MACROD2: variants seen among roughly 807,000 people sequenced by gnomAD.
MACROD2 encodes the protein ADP-ribose glycohydrolase MACROD2.
In MACROD2, 36 loss-of-function variants were observed where a neutral mutation model predicts 70.4. The observed-to-expected ratio is 0.51, with a 90% CI of 0.39 to 0.68. The LOEUF (loss-of-function observed/expected upper bound fraction) is 0.68. Among genes scored for constraint, MACROD2 ranks in the 30% least tolerant of loss-of-function variants. The probability of loss-of-function intolerance (pLI) is 0.00; values close to 1 mark genes in which losing one functional copy is unlikely to be tolerated. For missense variants in MACROD2, 496 were observed against 538.4 expected (o/e 0.92, Z 0.78); for synonymous variants, 172 against 178.8 (o/e 0.96, Z 0.30).
At chr20:14,694,533 A>G (rs1433535136) in intron 5 of MACROD2, among the ~76,000 whole-genome samples, 1 of 152,194 alleles carries the variant, frequency 6.6e-6, no homozygotes, top group East Asian at 1.9e-4. Context: ...ATGAACATGA[A>G]TGTATTTTTA....
At chr20:15,368,226 C>CTTA (rs2045439735) in intron 6 of MACROD2, among the ~76,000 whole-genome samples, 1 of 151,876 alleles carries the variant, frequency 6.6e-6, no homozygotes, top group African/African-American at 2.4e-5. Context: ...CTCAGGCCCA[C>CTTA]CCCCGCCTAC....
chr20:14,957,784 T>G (rs1005053377), intron 5 of MACROD2, among the ~76,000 whole-genome samples: 13 of 152,218 alleles, frequency 8.5e-5, no homozygotes, highest in African/African-American at 3.1e-4. Flanking sequence ...GTTTTGTTTT[T>G]GGAGCATTGG....
chr20:15,265,389 T>C (rs1214324523), intron 6 of MACROD2, among the ~76,000 whole-genome samples: 5 of 152,178 alleles, frequency 3.3e-5, no homozygotes, highest in Non-Finnish European at 1.5e-5. Flanking sequence ...ATGTGGAAAT[T>C]TGAGGGGAGT....
At chr20:15,207,209 T>A (rs183034490) in intron 5 of MACROD2, among the ~76,000 whole-genome samples, 1 of 152,284 alleles carries the variant, frequency 6.6e-6, no homozygotes, top group Admixed American at 6.5e-5. Context: ...CCCTCTCTGT[T>A]TCAAGAACTT....
intron 5 of MACROD2, among the ~76,000 whole-genome samples, chr20:14,718,702 GTTCC>G (rs1329629646): frequency 6.6e-6 from 1 of 152,094 alleles, no homozygotes. Context: ...TGATGCTCAA[GTTCC>G]TGAGAAATAA....
At chr20:14,466,106 C>T (rs2123032226) in intron 3 of MACROD2, among the ~76,000 whole-genome samples, 1 of 152,224 alleles carries the variant, frequency 6.6e-6, no homozygotes. Context: ...GGAAGTTCTC[C>T]TGGATAATAT....
At chr20:14,408,575 C>T (rs974347961) in intron 3 of MACROD2, among the ~76,000 whole-genome samples, 12 of 152,120 alleles carry the variant, frequency 7.9e-5, no homozygotes, top group African/African-American at 2.9e-4. Flanking sequence ...CATATTATTA[C>T]TGAGGTTCAA....
chr20:14,388,592 C>T (rs181899730), intron 3 of MACROD2, among the ~76,000 whole-genome samples: 47 of 152,294 alleles, frequency 3.1e-4, no homozygotes, highest in Non-Finnish European at 2.2e-4. Context: ...AATACATTTA[C>T]AATGCTGTAC....
chr20:15,565,658 C>T (rs7362062), intron 8 of MACROD2, among the ~76,000 whole-genome samples: 24,465 of 152,182 alleles, frequency 0.16, 2,416 homozygotes, highest in Middle Eastern at 0.28. Context: ...CTCTGTTACA[C>T]AGGCTAGAGT....
chr20:15,233,521 G>C (rs759209658), intron 6 of MACROD2, among the ~76,000 whole-genome samples: 1 of 151,960 alleles, frequency 6.6e-6, no homozygotes, highest in Non-Finnish European at 1.5e-5. Context: ...TGATTTGGGC[G>C]TAAGATGTGT....
At chr20:16,033,189 G>T (rs763372401) in intron 15 of MACROD2, among the ~76,000 whole-genome samples, 21 of 152,130 alleles carry the variant, frequency 1.4e-4, no homozygotes, top group Admixed American at 1.1e-3. Flanking sequence ...AATAAATCTT[G>T]TTCCAAAGTC....
intron 6 of MACROD2, among the ~76,000 whole-genome samples, chr20:15,269,312 A>G (rs1214899850): frequency 6.6e-6 from 1 of 152,176 alleles, no homozygotes; most frequent in African/African-American, 2.4e-5. Context: ...CTCTTCCCGA[A>G]CTTGAGCAAG....
chr20:15,735,018 T>A (rs956287500), intron 8 of MACROD2, among the ~76,000 whole-genome samples: 4 of 152,182 alleles, frequency 2.6e-5, no homozygotes, highest in African/African-American at 9.7e-5. Flanking sequence ...TGGAGTGCAG[T>A]GGTGCGATCT....
At chr20:15,768,751 TTTTA>T (rs1308539127) in intron 8 of MACROD2, among the ~76,000 whole-genome samples, 4 of 152,236 alleles carry the variant, frequency 2.6e-5, no homozygotes, top group Admixed American at 2.0e-4. Flanking sequence ...TACAAAAATA[TTTTA>T]TTTCTTTATA....
At chr20:15,057,358 T>TA (rs1209335800) in intron 5 of MACROD2, among the ~76,000 whole-genome samples, 1 of 152,174 alleles carries the variant, frequency 6.6e-6, no homozygotes, top group Non-Finnish European at 1.5e-5. Context: ...CCTTGGTTAT[T>TA]AAAAAGTTCT....
intron 5 of MACROD2, among the ~76,000 whole-genome samples, chr20:14,725,355 C>T (rs1050004232): frequency 7.9e-5 from 12 of 151,892 alleles, no homozygotes; most frequent in African/African-American, 2.7e-4. Flanking sequence ...ATCACCTAAG[C>T]AGAGAATGGA....
At chr20:15,153,791 G>A (rs1177283287) in intron 5 of MACROD2, among the ~76,000 whole-genome samples, 2 of 152,112 alleles carry the variant, frequency 1.3e-5, no homozygotes, top group Non-Finnish European at 2.9e-5. Flanking sequence ...AGGGCTTCTG[G>A]GGCATTGGTC....
intron 5 of MACROD2, among the ~76,000 whole-genome samples, chr20:14,746,929 C>G (rs1325803813): frequency 1.3e-5 from 2 of 152,068 alleles, no homozygotes; most frequent in Admixed American, 6.5e-5. Flanking sequence ...ATCTTACAAA[C>G]CATTGTGTTC....
intron 3 of MACROD2, among the ~76,000 whole-genome samples, chr20:14,485,652 G>T (rs570222301): frequency 1.0e-5 from 1 of 97,726 alleles, no homozygotes; most frequent in East Asian, 3.6e-4. Context: ...AGTGAGCCGA[G>T]ATCGTGCCAC....
Sources: allele counts gnomAD v4.1 joint callset (sites outside exome capture counted in the v4.1 genomes callset), GRCh38; gene constraint gnomAD v4.1.1; transcripts MANE v1.5; gene names NCBI Gene and HGNC (gene_info 2026-07-23, HGNC 2026-07-21).